The following ZDHHC11B variants were observed in gnomAD, a reference collection of about 807,000 sequenced individuals.
ZDHHC11B encodes the protein probable palmitoyltransferase ZDHHC11B.
A neutral mutation model predicts 42.3 loss-of-function variants in ZDHHC11B; 17 were observed. The ratio of observed to expected loss-of-function variants is 0.40; its 90% CI spans 0.27 to 0.60. The LOEUF is 0.60. Among genes scored for constraint, ZDHHC11B ranks in the 20% least tolerant of loss-of-function variants. The pLI, the probability that ZDHHC11B is intolerant of heterozygous loss-of-function variation, is 0.41. For missense variants in ZDHHC11B, 262 were observed against 463.2 expected, an observed-to-expected ratio of 0.57 and a Z score of 3.99; for synonymous variants, 123 against 193.5, an observed-to-expected ratio of 0.64 and a Z score of 3.02.
rs182439733 is a variant in ZDHHC11B at position 719,585 on chromosome 5, A to T, written c.1059-2720T>A. Among the ~76,000 whole-genome samples, 263 of 151,198 alleles carry T rather than the reference A, an allele frequency of 1.7e-3. 8 individuals are homozygous for T. The highest frequency in any genetic ancestry group is 6.1e-3 in the African/African-American group (251 of 40,950). On this transcript the variant is annotated intron_variant, in intron 12 of 13. Coordinates refer to ENST00000508859, the MANE Select transcript of ZDHHC11B (RefSeq NM_001351303.2). ...ATCTGAGCAAGCAGAAGAAAGGATC[A>T]GCTAACTTGAAGACAACCGAAATTA...
In ZDHHC11B at chr5:716,808, T is replaced by G; in HGVS notation, c.1116A>C (p.Ter372CysextTer9). The change falls in exon 13 of 14, where the codon TGA (stop) becomes TGC (cysteine). Residue 372 changes from the stop codon to cysteine, a stop_lost. Coordinates refer to ENST00000508859, the MANE Select transcript of ZDHHC11B (RefSeq NM_001351303.2). ...MKTDSAESED* is the reference protein window; with the variant it reads ...MKTDSAESEDC ...CACTGCCACGTATCTTACCCGAATC[T>G]CAGTCTTCACTTTCAGCACTGTCAG... 6.2e-7 allele frequency: 1 copy of G among 1,613,074 alleles called. No homozygotes were observed. Among genetic ancestry groups the G allele is most frequent in the Non-Finnish European group, 8.5e-7 (1 of 1,179,544 alleles).
intron 1 of ZDHHC11B, among the ~76,000 whole-genome samples, chr5:771,520 A>C (rs1467805491): frequency 7.6e-6 from 1 of 132,288 alleles, no homozygotes; most frequent in Non-Finnish European, 1.7e-5. Flanking sequence ...TGGGGGTGGA[A>C]GGGCCGTCTG....
At chr5:725,916 G>C (rs1326017142) in intron 12 of ZDHHC11B, among the ~76,000 whole-genome samples, 1 of 152,182 alleles carries the variant, frequency 6.6e-6, no homozygotes, top group Non-Finnish European at 1.5e-5. Flanking sequence ...GCTTGGCAGG[G>C]GGATGATGCA....
At chr5:739,718 A>G (rs1254675330) in intron 10 of ZDHHC11B, among the ~76,000 whole-genome samples, 1 of 145,878 alleles carries the variant, frequency 6.9e-6, no homozygotes, top group African/African-American at 2.5e-5. Context: ...GATTCTGTAA[A>G]GAACTTAAAG....
chr5:763,935 A>C (rs1734951515), intron 4 of ZDHHC11B, among the ~76,000 whole-genome samples: 1 of 151,908 alleles, frequency 6.6e-6, no homozygotes. Flanking sequence ...TCACTGTTGA[A>C]GCAGGTGACT....
rs1745559230 is a variant in ZDHHC11B at position 751,036 on chromosome 5, T to C, written c.628+97A>G. The C allele has an allele frequency of 4.9e-6, 4 of 823,748 alleles. 1 individual carries two copies. Among genetic ancestry groups the C allele is most frequent in the Non-Finnish European group, 6.5e-6 (4 of 617,772 alleles). The allele number at this position is 823,748 out of a possible 1,614,324, so 51.0% of individuals were successfully genotyped here. On this transcript the variant is annotated intron_variant, in intron 7 of 13. Transcript: ENST00000508859. ...GGGGCTGCCTGCCCCGGCCTCTCCC[T>C]GGGACAAGAGGGGCCGACCACCCCA...
In ZDHHC11B at chr5:717,323, C is replaced by T. The variant is rs979834082; in HGVS notation, c.1059-458G>A. ...TGAGTACAGGTGTTTTGTTCTCTGC[C>T]CTGATGTTACACTAGCCCAGCCAGC... On this transcript the variant is annotated intron_variant, in intron 12 of 13. Coordinates refer to ENST00000508859, the MANE Select transcript of ZDHHC11B (RefSeq NM_001351303.2). Among the ~76,000 whole-genome samples the T allele has an allele frequency of 7.9e-5, 12 of 151,764 alleles. 1 individual carries two copies. Among genetic ancestry groups the T allele is most frequent in the Middle Eastern group, 3.4e-3 (1 of 294 alleles).
chr5:736,975 A>G (rs1178397215), intron 10 of ZDHHC11B, among the ~76,000 whole-genome samples: 1 of 142,658 alleles, frequency 7.0e-6, no homozygotes, highest in African/African-American at 2.6e-5. Flanking sequence ...TCAGAGCAGA[A>G]CTAAATGAAA....
intron 12 of ZDHHC11B, among the ~76,000 whole-genome samples, chr5:720,705 T>C (rs1742118146): frequency 6.6e-6 from 1 of 151,770 alleles, no homozygotes; most frequent in Non-Finnish European, 1.5e-5. Context: ...CATAATACAA[T>C]AATTATAAAT....
intron 13 of ZDHHC11B, among the ~76,000 whole-genome samples, chr5:714,961 C>T (rs144253010): frequency 6.6e-6 from 1 of 151,006 alleles, no homozygotes. Context: ...GAGCCTCCCC[C>T]AGCCCTTCGC....
At chr5:769,962 A>C (rs1735856958) in intron 1 of ZDHHC11B, among the ~76,000 whole-genome samples, 1 of 151,812 alleles carries the variant, frequency 6.6e-6, no homozygotes, top group South Asian at 2.1e-4. Context: ...GACCAGCACC[A>C]CAGCCCCGCG....
chr5:767,049 A>G lies in ZDHHC11B; in HGVS notation c.1-130T>C, dbSNP rs1365428632. On this transcript the variant is annotated intron_variant, in intron 3 of 13. Transcript: ENST00000508859. ...CAGCACTGACAGCCAATGGCCCAGC[A>G]TTGCCTGGGGCCACGTTCCCCGCAG... 1.1e-5 allele frequency: 13 copies of G among 1,198,480 alleles called. No individual in the cohort carries two copies. The African/African-American group carries it at 1.6e-4, about 15-fold the overall frequency. The allele number at this position is 1,198,480 out of a possible 1,614,324, so 74.2% of individuals were successfully genotyped here.
chr5:727,039 A>G (rs1023944949), intron 12 of ZDHHC11B, among the ~76,000 whole-genome samples: 2 of 131,974 alleles, frequency 1.5e-5, no homozygotes, highest in African/African-American at 5.8e-5. Flanking sequence ...GCATTTTCAC[A>G]CTAAGTGATA....
intron 10 of ZDHHC11B, among the ~76,000 whole-genome samples, chr5:738,615 A>AT (rs1743788938): frequency 2.3e-5 from 2 of 86,528 alleles, no homozygotes; most frequent in Non-Finnish European, 5.5e-5. Flanking sequence ...TCAATGGAAC[A>AT]GAATAGAGAA....
At chr5:766,218 G>C (rs1181217384) in intron 4 of ZDHHC11B, among the ~76,000 whole-genome samples, 1 of 151,840 alleles carries the variant, frequency 6.6e-6, no homozygotes, top group Non-Finnish European at 1.5e-5. Flanking sequence ...TGGGAGGTGA[G>C]AGCAGATGCA....
At chr5:727,357 G>A (rs1742671490) in intron 12 of ZDHHC11B, among the ~76,000 whole-genome samples, 2 of 145,828 alleles carry the variant, frequency 1.4e-5, no homozygotes, top group South Asian at 2.4e-4. Context: ...GGGATGCCAG[G>A]GAAACGCTAT....
chr5:735,863 C>T lies in ZDHHC11B; in HGVS notation c.936-2024G>A, dbSNP rs1342406020. 8.8e-4 allele frequency among the ~76,000 whole-genome samples: 131 copies of T among 148,652 alleles called. 8 individuals carry two copies. Among genetic ancestry groups the T allele is most frequent in the African/African-American group, 3.1e-3 (123 of 40,254 alleles). On this transcript the variant is annotated intron_variant, in intron 10 of 13. Coordinates refer to ENST00000508859, the MANE Select transcript of ZDHHC11B (RefSeq NM_001351303.2). The stretch of plus-strand genomic sequence containing the variant: ...CTCAAAATACACCAAAACAGAACCT[C>T]CTTAAAGCATAAATCTTACAGGACT...
intron 10 of ZDHHC11B, among the ~76,000 whole-genome samples, chr5:735,957 T>C (rs1391535865): frequency 1.3e-5 from 2 of 149,106 alleles, no homozygotes; most frequent in African/African-American, 5.0e-5. Context: ...AATAAAACAG[T>C]ACCTCACATC....
In ZDHHC11B at chr5:745,125, G is replaced by A. The variant is rs1416107357; in HGVS notation, c.900+58C>T. 2.9e-4 allele frequency: 363 copies of A among 1,250,256 alleles called. 3 individuals are homozygous for A. Among genetic ancestry groups the A allele is most frequent in the African/African-American group, 1.8e-3 (122 of 69,504 alleles). 77.4% of individuals were successfully genotyped at this position (1,250,256 alleles called of 1,614,324 possible). A position where few individuals can be genotyped will look rare whatever the true frequency, so the allele number is the denominator to read the frequency against. On this transcript the variant is annotated intron_variant, in intron 9 of 13. Transcript: ENST00000508859. Reference sequence around the variant, plus strand: ...GCATGGCTGAGAGGTCCCAACCACCGAGTGACCTTAGACATTGTCCCAGGC... The same window carrying A: ...GCATGGCTGAGAGGTCCCAACCACCAAGTGACCTTAGACATTGTCCCAGGC...
Sources: allele counts gnomAD v4.1 joint callset (sites outside exome capture counted in the v4.1 genomes callset), GRCh38; gene constraint gnomAD v4.1.1; transcripts MANE v1.5; gene names NCBI Gene and HGNC (gene_info 2026-07-23, HGNC 2026-07-21).